The following MAP2K4 variants were observed in gnomAD, a reference collection of about 807,000 sequenced individuals.
MAP2K4 encodes dual specificity mitogen-activated protein kinase kinase 4.
Under a neutral mutation model 48.5 loss-of-function variants are expected in MAP2K4, and 4 were observed. That is an observed-to-expected ratio of 0.08 (90% CI 0.04 to 0.19). The LOEUF (loss-of-function observed/expected upper bound fraction) is 0.19. Among genes scored for constraint, MAP2K4 ranks in the 10% least tolerant of loss-of-function variants. The pLI is 1.00. For missense variants in MAP2K4, 258 were observed against 493.3 expected, an observed-to-expected ratio of 0.52 and a Z score of 4.52; for synonymous variants, 166 against 173.1, an observed-to-expected ratio of 0.96 and a Z score of 0.32.
At chr17:12,138,318 C>T (rs1176464621) in intron 9 of MAP2K4, among the ~76,000 whole-genome samples, 8 of 152,270 alleles carry the variant, frequency 5.3e-5, no homozygotes, top group Admixed American at 4.6e-4. Flanking sequence ...AAATAGCCTA[C>T]TGTCAACCAG....
chr17:12,104,579 T>G (rs917439218), intron 4 of MAP2K4, among the ~76,000 whole-genome samples: 4 of 152,264 alleles, frequency 2.6e-5, no homozygotes, highest in African/African-American at 9.6e-5. Flanking sequence ...AAAAATTGCC[T>G]TTGATATAAT....
chr17:12,095,754 G>C, intron 4 of MAP2K4, 60 bp downstream of exon 4: 1 of 1,566,680 alleles, frequency 6.4e-7, no homozygotes, highest in Non-Finnish European at 8.7e-7. Flanking sequence ...AATGAAGATG[G>C]CAGGATTCGA....
intron 7 of MAP2K4, among the ~76,000 whole-genome samples, chr17:12,120,987 T>C (rs1396844878): frequency 6.6e-6 from 1 of 152,242 alleles, no homozygotes; most frequent in Non-Finnish European, 1.5e-5. Context: ...TCATATTTTT[T>C]ACTGTTAAGT....
intron 4 of MAP2K4, among the ~76,000 whole-genome samples, chr17:12,103,375 T>A (rs1972002585): frequency 6.6e-6 from 1 of 152,080 alleles, no homozygotes; most frequent in South Asian, 2.1e-4. Context: ...GTATTGCTTT[T>A]CTATTATTAT....
rs146067114 is a variant in MAP2K4, at chr17:12,106,714, A to G, written c.514-1076A>G. ...GTATAATTTTTTAAAAATCATTTTG[A>G]TAGTATTTTCATTTTTGTAAGGTAC... On this transcript the variant is annotated intron_variant, in intron 4 of 10. Coordinates refer to ENST00000353533, the MANE Select transcript of MAP2K4 (RefSeq NM_003010.4). Among the ~76,000 whole-genome samples the G allele has an allele frequency of 2.6e-3, 394 of 152,228 alleles. 1 individual carries two copies. The highest frequency in any genetic ancestry group is 3.4e-3 in the Middle Eastern group (1 of 294).
At chr17:12,060,037 G>A (rs1970399301) in intron 2 of MAP2K4, among the ~76,000 whole-genome samples, 2 of 152,156 alleles carry the variant, frequency 1.3e-5, no homozygotes, top group Admixed American at 6.5e-5. Flanking sequence ...AATTAGCCAC[G>A]TGTGATGGTG....
In MAP2K4 at chr17:12,076,564, A is replaced by G. The variant is rs548611044; in HGVS notation, c.219-4792A>G. 5.3e-5 allele frequency among the ~76,000 whole-genome samples: 8 copies of G among 152,332 alleles called. No individual in the cohort carries two copies. In the South Asian group the frequency reaches 1.7e-3, roughly 32 times the overall value. On this transcript the variant is annotated intron_variant, in intron 2 of 10. Coordinates refer to ENST00000353533, the MANE Select transcript of MAP2K4 (RefSeq NM_003010.4). ...AGATAAATCTCTGATATCAAAATAT[A>G]ATTTCTGTACATTGAGTTGTACTTT...
At chr17:12,087,357 A>G (rs79887957) in intron 3 of MAP2K4, among the ~76,000 whole-genome samples, 277 of 152,278 alleles carry the variant, frequency 1.8e-3, no homozygotes, top group Non-Finnish European at 3.0e-3. Context: ...ACCCTTAAAA[A>G]TTTCAGTGCT....
At chr17:12,057,218 A>C (rs1450396188) in intron 2 of MAP2K4, among the ~76,000 whole-genome samples, 1 of 152,194 alleles carries the variant, frequency 6.6e-6, no homozygotes, top group Non-Finnish European at 1.5e-5. Flanking sequence ...TGAATGTCAA[A>C]TTAAAGGTGT....
At chr17:12,024,537 T>C (rs1370040163) in intron 1 of MAP2K4, among the ~76,000 whole-genome samples, 2 of 152,178 alleles carry the variant, frequency 1.3e-5, no homozygotes, top group Non-Finnish European at 2.9e-5. Flanking sequence ...CTTTGATGAC[T>C]AAAGCTAACA....
At chr17:12,053,418 T>C (rs949020630) in intron 1 of MAP2K4, among the ~76,000 whole-genome samples, 3 of 152,112 alleles carry the variant, frequency 2.0e-5, no homozygotes, top group Admixed American at 2.0e-4. Flanking sequence ...CTTATCACTT[T>C]TTTTCTATTT....
chr17:12,126,479 G>T (rs1430481297), intron 8 of MAP2K4, among the ~76,000 whole-genome samples: 1 of 152,214 alleles, frequency 6.6e-6, no homozygotes, highest in African/African-American at 2.4e-5. Flanking sequence ...GGCACTGACA[G>T]ATTTGGTGGC....
intron 2 of MAP2K4, among the ~76,000 whole-genome samples, chr17:12,070,837 A>C (rs1219385893): frequency 6.6e-6 from 1 of 152,250 alleles, no homozygotes; most frequent in East Asian, 1.9e-4. Context: ...CTCATGATTT[A>C]GATGGTGTAC....
chr17:12,104,466 G>A (rs543897472), intron 4 of MAP2K4, among the ~76,000 whole-genome samples: 4 of 151,918 alleles, frequency 2.6e-5, no homozygotes, highest in African/African-American at 4.8e-5. Context: ...GATAATAAAC[G>A]TTTAATTTTT....
chr17:12,096,289 C>G (rs1410854808), intron 4 of MAP2K4, among the ~76,000 whole-genome samples: 1 of 151,966 alleles, frequency 6.6e-6, no homozygotes, highest in Non-Finnish European at 1.5e-5. Flanking sequence ...ATTTCTTGGT[C>G]TCATAATCAT....
At chr17:12,038,509 C>G (rs1969672800) in intron 1 of MAP2K4, among the ~76,000 whole-genome samples, 1 of 152,032 alleles carries the variant, frequency 6.6e-6, no homozygotes, top group South Asian at 2.1e-4. Flanking sequence ...AAATGTGTAT[C>G]TATATATACC....
intron 3 of MAP2K4, among the ~76,000 whole-genome samples, chr17:12,083,624 C>T (rs894726632): frequency 1.3e-5 from 2 of 152,196 alleles, no homozygotes; most frequent in African/African-American, 2.4e-5. Context: ...TTCATTAATA[C>T]TGGAAGAATA....
intron 7 of MAP2K4, among the ~76,000 whole-genome samples, chr17:12,122,248 C>G (rs752660877): frequency 6.6e-6 from 1 of 152,224 alleles, no homozygotes; most frequent in African/African-American, 2.4e-5. Flanking sequence ...CGTACTTGCT[C>G]CTTTTCTCTT....
intron 2 of MAP2K4, among the ~76,000 whole-genome samples, chr17:12,063,155 C>A (rs1970506081): frequency 1.3e-5 from 2 of 152,014 alleles, no homozygotes; most frequent in Admixed American, 6.6e-5. Context: ...ATGCAAAGGA[C>A]CTAGCTAAAA....
Sources: gnomAD v4.1 joint callset for allele counts (sites outside exome capture counted in the v4.1 genomes callset) on GRCh38, gnomAD v4.1.1 for gene constraint, MANE v1.5 for transcripts, NCBI Gene and HGNC (gene_info 2026-07-23, HGNC 2026-07-21) for gene names.